CAMKMT: variants seen among roughly 807,000 people sequenced by gnomAD.
CAMKMT encodes CaM KMT.
A neutral mutation model predicts 48.0 loss-of-function variants in CAMKMT; 53 were observed. The observed-to-expected ratio is 1.10, with a 90% confidence interval of 0.89 to 1.39. The LOEUF is 1.39. CAMKMT is among the 40% of genes most tolerant of loss of function. The pLI is 0.00. For synonymous variants in CAMKMT, 165 were observed against 152.3 expected (o/e 1.08, Z -0.61); for missense variants, 428 against 402.7 (o/e 1.06, Z -0.54).
chr2:44,755,547 A>G (rs57506640), intron 9 of CAMKMT, among the ~76,000 whole-genome samples: 3,217 of 152,196 alleles, frequency 0.021, 100 homozygotes, highest in African/African-American at 0.072. Flanking sequence ...ACTCATCACC[A>G]ATACCCCTTC....
At chr2:44,597,657 T>A (rs1472267767) in intron 3 of CAMKMT, among the ~76,000 whole-genome samples, 1 of 152,222 alleles carries the variant, frequency 6.6e-6, no homozygotes, top group Non-Finnish European at 1.5e-5. Flanking sequence ...GCAATTACAT[T>A]GAAATACAGT....
At chr2:44,721,250 A>G (rs1289142797) in intron 7 of CAMKMT, among the ~76,000 whole-genome samples, 1 of 152,188 alleles carries the variant, frequency 6.6e-6, no homozygotes, top group East Asian at 1.9e-4. Flanking sequence ...TTAAGTATGC[A>G]TTAGCTTTTG....
chr2:44,670,214 A>G (rs910083044), intron 3 of CAMKMT, among the ~76,000 whole-genome samples: 4 of 152,198 alleles, frequency 2.6e-5, no homozygotes, highest in African/African-American at 9.6e-5. Context: ...TTCTTGAACT[A>G]TAAGAAATTG....
At chr2:44,678,539 T>A (rs953548798) in intron 3 of CAMKMT, among the ~76,000 whole-genome samples, 3 of 152,224 alleles carry the variant, frequency 2.0e-5, no homozygotes, top group Non-Finnish European at 2.9e-5. Flanking sequence ...TCCTGCCTCA[T>A]TCCTGAAGTG....
At chr2:44,431,143 G>T (rs1684625992) in intron 3 of CAMKMT, among the ~76,000 whole-genome samples, 1 of 152,124 alleles carries the variant, frequency 6.6e-6, no homozygotes, top group Non-Finnish European at 1.5e-5. Flanking sequence ...TTTAATGAGA[G>T]ATATTTTCCC....
chr2:44,528,830 G>A (rs932813705), intron 3 of CAMKMT, among the ~76,000 whole-genome samples: 1 of 151,972 alleles, frequency 6.6e-6, no homozygotes, highest in South Asian at 2.1e-4. Flanking sequence ...GAACTGGCAG[G>A]TTACTTAAGA....
intron 3 of CAMKMT, among the ~76,000 whole-genome samples, chr2:44,520,144 G>A (rs1403748065): frequency 2.6e-5 from 4 of 152,058 alleles, no homozygotes; most frequent in African/African-American, 9.7e-5. Context: ...GCGTGAACCT[G>A]GGAGGCGGAG....
intron 3 of CAMKMT, among the ~76,000 whole-genome samples, chr2:44,630,947 C>T (rs1177046272): frequency 1.8e-4 from 27 of 151,878 alleles, no homozygotes; most frequent in African/African-American, 5.6e-4. Context: ...CACATGCACA[C>T]GTATGTTTAT....
chr2:44,557,291 C>CT (rs550961977), intron 3 of CAMKMT, among the ~76,000 whole-genome samples: 62 of 146,796 alleles, frequency 4.2e-4, no homozygotes, highest in Middle Eastern at 3.6e-3. Context: ...TTGTTTCTGG[C>CT]TTTTTTTTTT....
chr2:44,468,959 T>C (rs1342121875), intron 3 of CAMKMT, among the ~76,000 whole-genome samples: 2 of 151,718 alleles, frequency 1.3e-5, no homozygotes, highest in Non-Finnish European at 2.9e-5. Context: ...GAAAGAAAAA[T>C]GTATGTTCTC....
intron 3 of CAMKMT, among the ~76,000 whole-genome samples, chr2:44,670,111 A>G (rs752944128): frequency 5.9e-5 from 9 of 152,188 alleles, no homozygotes; most frequent in Non-Finnish European, 1.2e-4. Flanking sequence ...TATTCTGAAT[A>G]CTAATCCTTG....
chr2:44,624,695 T>C (rs1465672969), intron 3 of CAMKMT, among the ~76,000 whole-genome samples: 1 of 152,210 alleles, frequency 6.6e-6, no homozygotes, highest in African/African-American at 2.4e-5. Flanking sequence ...ATGGTGTATA[T>C]GTGCCACATT....
chr2:44,376,820 A>T (rs1458812514), intron 2 of CAMKMT, among the ~76,000 whole-genome samples: 3 of 152,196 alleles, frequency 2.0e-5, no homozygotes, highest in Admixed American at 6.5e-5. Flanking sequence ...GTGACTTTTC[A>T]TCTGAAGCTA....
intron 3 of CAMKMT, among the ~76,000 whole-genome samples, chr2:44,608,952 A>C (rs1245858232): frequency 6.6e-6 from 1 of 152,142 alleles, no homozygotes; most frequent in African/African-American, 2.4e-5. Context: ...ACATGTCTTC[A>C]TTTTTCTATT....
At chr2:44,522,602 G>A (rs1671177082) in intron 3 of CAMKMT, among the ~76,000 whole-genome samples, 1 of 152,066 alleles carries the variant, frequency 6.6e-6, no homozygotes, top group African/African-American at 2.4e-5. Context: ...ATCATTCTGG[G>A]GTCATTGAGG....
intron 3 of CAMKMT, among the ~76,000 whole-genome samples, chr2:44,534,377 C>T (rs1251467759): frequency 6.6e-6 from 1 of 152,122 alleles, no homozygotes; most frequent in Non-Finnish European, 1.5e-5. Flanking sequence ...GGACTTTATA[C>T]CAAATGGGCT....
intron 3 of CAMKMT, among the ~76,000 whole-genome samples, chr2:44,502,937 T>C (rs542346888): frequency 1.3e-5 from 2 of 152,256 alleles, no homozygotes; most frequent in Admixed American, 1.3e-4. Context: ...TTATTTTTAG[T>C]TTTTGTGATG....
chr2:44,598,934 C>T (rs924445622), intron 3 of CAMKMT, among the ~76,000 whole-genome samples: 2 of 151,704 alleles, frequency 1.3e-5, no homozygotes, highest in Admixed American at 6.6e-5. Context: ...TCACACGTGT[C>T]GGTAAAAAGC....
chr2:44,471,805 C>T (rs1033306270), intron 3 of CAMKMT, among the ~76,000 whole-genome samples: 15 of 152,048 alleles, frequency 9.9e-5, no homozygotes, highest in Non-Finnish European at 1.6e-4. Flanking sequence ...CTCAGCCTCC[C>T]GTGTGGCTGA....
Sources: gnomAD v4.1 joint callset for allele counts (sites outside exome capture counted in the v4.1 genomes callset) on GRCh38, gnomAD v4.1.1 for gene constraint, MANE v1.5 for transcripts, NCBI Gene and HGNC (gene_info 2026-07-23, HGNC 2026-07-21) for gene names.